Variants in MAN2A1 observed in about 807,000 individuals in gnomAD.
MAN2A1 encodes the protein mannosidase alpha class 2A member 1.
Under a neutral mutation model 142.6 loss-of-function variants are expected in MAN2A1, and 76 were observed. The ratio of observed to expected loss-of-function variants is 0.53; its 90% CI spans 0.44 to 0.65. MAN2A1 has a LOEUF of 0.65. Ranked by LOEUF, MAN2A1 falls within the 30% of genes least tolerant of loss-of-function variation. The probability of loss-of-function intolerance (pLI) is 0.00; values close to 1 mark genes in which losing one functional copy is unlikely to be tolerated. For synonymous variants in MAN2A1, 559 were observed against 473.2 expected (o/e 1.18, Z -2.35); for missense variants, 1,311 against 1,365.1 (o/e 0.96, Z 0.62).
rs146640929 is a variant in MAN2A1 at position 109,729,272 on chromosome 5, A to G, written c.536-70A>G. 400 of 965,436 alleles carry G rather than the reference A, an allele frequency of 4.1e-4. 3 individuals carry two copies. The African/African-American group carries it at 5.8e-3, about 14-fold the overall frequency. 59.8% of individuals were successfully genotyped at this position (965,436 alleles called of 1,614,324 possible). ...TTCTAACGATGTCCAAAGTAATGCA[A>G]TGGAATGTGACTGAGTTGAAATCAG... On this transcript the variant is annotated intron_variant, in intron 3 of 21. Coordinates refer to ENST00000261483, the MANE Select transcript of MAN2A1 (RefSeq NM_002372.4).
At chr5:109,751,577 T>C (rs929505345) in intron 4 of MAN2A1, among the ~76,000 whole-genome samples, 1 of 151,884 alleles carries the variant, frequency 6.6e-6, no homozygotes, top group Non-Finnish European at 1.5e-5. Flanking sequence ...TTTTTTTTTT[T>C]AAATAAATCT....
chr5:109,703,083 C>G (rs922643528), intron 1 of MAN2A1, among the ~76,000 whole-genome samples: 7 of 152,138 alleles, frequency 4.6e-5, no homozygotes, highest in African/African-American at 1.7e-4. Context: ...CTTAATACAA[C>G]CCTGCCTTCA....
At chr5:109,782,122 A>G (rs984999929) in intron 9 of MAN2A1, among the ~76,000 whole-genome samples, 7 of 152,196 alleles carry the variant, frequency 4.6e-5, no homozygotes, top group Admixed American at 4.6e-4. Context: ...GCACATTTCT[A>G]TAGGCACAGT....
intron 1 of MAN2A1, among the ~76,000 whole-genome samples, chr5:109,697,560 T>C (rs966037744): frequency 9.9e-5 from 15 of 152,190 alleles, no homozygotes; most frequent in Non-Finnish European, 1.6e-4. Flanking sequence ...AAGAATGGTT[T>C]TTACATTTTT....
At chr5:109,851,877 A>G (rs936851272) in intron 19 of MAN2A1, among the ~76,000 whole-genome samples, 1 of 152,154 alleles carries the variant, frequency 6.6e-6, no homozygotes, top group Non-Finnish European at 1.5e-5. Flanking sequence ...AAATACTTAT[A>G]TGGTTTAGAA....
In MAN2A1 at chr5:109,791,820, A is replaced by G. The variant is rs144143498; in HGVS notation, c.1943+2293A>G. 1.7e-3 allele frequency among the ~76,000 whole-genome samples: 262 copies of G among 152,210 alleles called. 1 individual carries two copies. The highest frequency in any genetic ancestry group is 6.2e-3 in the African/African-American group (257 of 41,550). Reference sequence around the variant, plus strand: ...TTAGGGAGGTGATAATGTAAAAAAGATTGAGAAATACTAACTTAAACCCAT... The same window carrying G: ...TTAGGGAGGTGATAATGTAAAAAAGGTTGAGAAATACTAACTTAAACCCAT... On this transcript the variant is annotated intron_variant, in intron 12 of 21. Coordinates refer to ENST00000261483, the MANE Select transcript of MAN2A1 (RefSeq NM_002372.4).
rs370500220 is a variant in MAN2A1 at position 109,733,022 on chromosome 5, A to G, written c.707+3509A>G. ...ATGGAATGTTCTTCCATTTGTTTGT[A>G]TCCTCTTTTATTTCATTGAGCAGTG... On this transcript the variant is annotated intron_variant, in intron 4 of 21. Coordinates refer to ENST00000261483, the MANE Select transcript of MAN2A1 (RefSeq NM_002372.4). Among the ~76,000 whole-genome samples the G allele has an allele frequency of 4.6e-5, 7 of 152,116 alleles. No homozygotes were observed. The East Asian group carries it at 1.2e-3, about 25-fold the overall frequency.
intron 12 of MAN2A1, among the ~76,000 whole-genome samples, chr5:109,801,646 C>T (rs1007708312): frequency 6.6e-6 from 1 of 152,020 alleles, no homozygotes; most frequent in African/African-American, 2.4e-5. Flanking sequence ...TCTTCCTTGC[C>T]CACTTCGGCT....
chr5:109,716,068 A>G, intron 2 of MAN2A1, 52 bp from the exon 3 acceptor site: 2 of 1,282,270 alleles, frequency 1.6e-6, no homozygotes, highest in South Asian at 1.3e-5. Flanking sequence ...ATATTTACCA[A>G]CATTAAATTA....
Position 109,838,428 on chromosome 5 carries a change from A to G in MAN2A1, c.2567-3900A>G, listed in dbSNP as rs553062565. ...CATGCCCAGGTGGAGCCACTTTAGT[A>G]AAAAAAATAGCATTTTTGCTGCCAT... On this transcript the variant is annotated intron_variant, in intron 16 of 21. Transcript: ENST00000261483. Among the ~76,000 whole-genome samples, 35 of 151,810 alleles carry G rather than the reference A, an allele frequency of 2.3e-4. No individual in the cohort carries two copies. The South Asian group carries it at 6.7e-3, about 29-fold the overall frequency.
chr5:109,836,866 C>A (rs536247211), intron 16 of MAN2A1, among the ~76,000 whole-genome samples: 14 of 152,050 alleles, frequency 9.2e-5, no homozygotes, highest in Non-Finnish European at 1.9e-4. Context: ...GTGCACCACA[C>A]GGTCTTACAA....
chr5:109,766,633 G>A (rs978570247), intron 5 of MAN2A1, among the ~76,000 whole-genome samples: 9 of 151,930 alleles, frequency 5.9e-5, no homozygotes, highest in South Asian at 2.1e-4. Context: ...AATTTAACTC[G>A]TTTTTGTAAC....
chr5:109,814,431 C>A (rs1754399433), intron 12 of MAN2A1, among the ~76,000 whole-genome samples: 1 of 152,132 alleles, frequency 6.6e-6, no homozygotes, highest in African/African-American at 2.4e-5. Context: ...ATATGATCAT[C>A]CTTTCTCTGT....
chr5:109,746,524 A>G (rs925039261), intron 4 of MAN2A1, among the ~76,000 whole-genome samples: 1 of 150,768 alleles, frequency 6.6e-6, no homozygotes, highest in African/African-American at 2.4e-5. Flanking sequence ...ACATAAAGGC[A>G]TAGGCATATA....
At chr5:109,773,300 A>G (rs2112655273) in intron 7 of MAN2A1, among the ~76,000 whole-genome samples, 1 of 152,298 alleles carries the variant, frequency 6.6e-6, no homozygotes. Context: ...GCATGCCATT[A>G]ACGTTTGTGA....
At chr5:109,805,336 C>T (rs1580270567) in intron 12 of MAN2A1, among the ~76,000 whole-genome samples, 1 of 152,234 alleles carries the variant, frequency 6.6e-6, no homozygotes, top group South Asian at 2.1e-4. Flanking sequence ...TCAATCTTTT[C>T]TTTACAAAAA....
chr5:109,864,023 A>G (rs1390993351), intron 20 of MAN2A1: 1 of 152,210 alleles, frequency 6.6e-6, no homozygotes, highest in Non-Finnish European at 1.5e-5. Flanking sequence ...TCAGTGGTGG[A>G]GATTCTGGCA....
At chr5:109,860,327 G>C (rs1452397784) in intron 20 of MAN2A1, among the ~76,000 whole-genome samples, 1 of 152,132 alleles carries the variant, frequency 6.6e-6, no homozygotes, top group Non-Finnish European at 1.5e-5. Flanking sequence ...CCTAAAAAAT[G>C]AATTTCTACT....
chr5:109,846,579 G>C (rs1296698187), intron 18 of MAN2A1, among the ~76,000 whole-genome samples: 1 of 152,146 alleles, frequency 6.6e-6, no homozygotes, highest in East Asian at 1.9e-4. Flanking sequence ...TCTTTCTATT[G>C]AGAGGCTTTG....
Sources: allele counts gnomAD v4.1 joint callset (sites outside exome capture counted in the v4.1 genomes callset), GRCh38; gene constraint gnomAD v4.1.1; transcripts MANE v1.5; gene names NCBI Gene and HGNC (gene_info 2026-07-23, HGNC 2026-07-21).